The following C12orf42 variants were observed in gnomAD, a reference collection of about 807,000 sequenced individuals.
C12orf42 encodes the protein uncharacterized protein C12orf42.
C12orf42 carries 25 observed loss-of-function variants against 21.6 expected under a neutral mutation model. The ratio of observed to expected loss-of-function variants is 1.16; its 90% CI spans 0.84 to 1.62. The LOEUF is 1.62. C12orf42 is among the 40% of genes most tolerant of loss of function. The pLI is 0.00. For missense variants in C12orf42, 483 were observed against 459.3 expected, an observed-to-expected ratio of 1.05 and a Z score of -0.47; for synonymous variants, 174 against 175.0, an observed-to-expected ratio of 0.99 and a Z score of 0.05.
the C12orf42 span, among the ~76,000 whole-genome samples, chr12:103,180,176 G>A: frequency 6.6e-6 from 1 of 151,968 alleles, no homozygotes; most frequent in South Asian, 2.1e-4. Context: ...GGTGGGAGGA[G>A]TCAGCAAAAA....
the C12orf42 span, among the ~76,000 whole-genome samples, chr12:103,105,128 T>A: frequency 6.6e-6 from 1 of 152,138 alleles, no homozygotes; most frequent in Admixed American, 6.5e-5. Flanking sequence ...GTACACTGTA[T>A]AGAGACTCTT....
At chr12:103,182,555 G>A in the C12orf42 span, among the ~76,000 whole-genome samples, 1 of 152,042 alleles carries the variant, frequency 6.6e-6, no homozygotes, top group Non-Finnish European at 1.5e-5. Context: ...GTCAGAAACA[G>A]TTACTTAATA....
At chr12:103,279,231 C>A (rs888047639) in intron 4 of C12orf42, among the ~76,000 whole-genome samples, 15 of 151,806 alleles carry the variant, frequency 9.9e-5, no homozygotes, top group East Asian at 1.9e-4. Context: ...GTTCTTACTG[C>A]CCCCCACCAC....
chr12:103,134,025 A>G, the C12orf42 span, among the ~76,000 whole-genome samples: 1 of 152,218 alleles, frequency 6.6e-6, no homozygotes, highest in East Asian at 1.9e-4. Context: ...AGTCTCAAGT[A>G]TGTCTTTATT....
chr12:103,415,495 C>G (rs577205015), intron 2 of C12orf42, among the ~76,000 whole-genome samples: 1 of 152,300 alleles, frequency 6.6e-6, no homozygotes, highest in East Asian at 1.9e-4. Flanking sequence ...CATCTGCACA[C>G]AGAACATATT....
intron 2 of C12orf42, among the ~76,000 whole-genome samples, chr12:103,474,441 C>T (rs200590078): frequency 6.9e-6 from 1 of 144,190 alleles, no homozygotes; most frequent in African/African-American, 2.7e-5. Context: ...TGTATGTATA[C>T]ATGTATGTAT....
At chr12:103,172,414 T>C in the C12orf42 span, among the ~76,000 whole-genome samples, 2 of 152,072 alleles carry the variant, frequency 1.3e-5, no homozygotes, top group East Asian at 1.9e-4. Flanking sequence ...ATACTAGCAA[T>C]TATAATATTT....
the C12orf42 span, among the ~76,000 whole-genome samples, chr12:103,090,772 C>T: frequency 6.6e-5 from 10 of 151,858 alleles, no homozygotes; most frequent in Non-Finnish European, 1.2e-4. Flanking sequence ...TTAAACCAGA[C>T]CAGAGAGAGG....
At chr12:103,192,270 T>G in the C12orf42 span, among the ~76,000 whole-genome samples, 12 of 152,194 alleles carry the variant, frequency 7.9e-5, no homozygotes, top group Non-Finnish European at 1.8e-4. Context: ...TTTGGGAGAC[T>G]GAGGTGGGCC....
the C12orf42 span, among the ~76,000 whole-genome samples, chr12:103,084,046 T>TA: frequency 6.6e-6 from 1 of 152,218 alleles, no homozygotes; most frequent in Non-Finnish European, 1.5e-5. Context: ...CTTTAAAACA[T>TA]ACATTTTTAA....
At chr12:103,417,537 C>A (rs1266325611) in intron 2 of C12orf42, among the ~76,000 whole-genome samples, 1 of 152,198 alleles carries the variant, frequency 6.6e-6, no homozygotes, top group African/African-American at 2.4e-5. Context: ...GCACTTTACA[C>A]TTTCCCATGT....
the C12orf42 span, among the ~76,000 whole-genome samples, chr12:103,222,128 C>G: frequency 0.46 from 70,605 of 151,940 alleles, 16,729 homozygotes; most frequent in East Asian, 0.59. Flanking sequence ...ATGCGCGTCC[C>G]TGTGAAGAGA....
chr12:103,300,223 A>G (rs977713797), downstream of C12orf42, among the ~76,000 whole-genome samples: 1 of 152,180 alleles, frequency 6.6e-6, no homozygotes, highest in African/African-American at 2.4e-5. Flanking sequence ...TCAGGATTCC[A>G]TGATTAAATA....
chr12:103,505,323 G>T, the C12orf42 span: 3 of 267,200 alleles, frequency 1.1e-5, no homozygotes, highest in South Asian at 1.1e-4. Flanking sequence ...TCCATCCGGG[G>T]TTAGTGCCTT....
At chr12:103,296,906 T>C (rs914174795) in intron 4 of C12orf42, among the ~76,000 whole-genome samples, 2 of 152,238 alleles carry the variant, frequency 1.3e-5, no homozygotes, top group African/African-American at 4.8e-5. Flanking sequence ...GCCATTGCTT[T>C]TGGTGTTTTA....
At chr12:103,520,096 A>G in the C12orf42 span, among the ~76,000 whole-genome samples, 1 of 152,192 alleles carries the variant, frequency 6.6e-6, no homozygotes, top group African/African-American at 2.4e-5. Context: ...TGAGCAGTGA[A>G]TATGAATGAT....
At chr12:103,408,635 T>C (rs2138853597) in intron 2 of C12orf42, among the ~76,000 whole-genome samples, 1 of 152,362 alleles carries the variant, frequency 6.6e-6, no homozygotes, top group African/African-American at 2.4e-5. Context: ...TATCAGCCAC[T>C]GATTTCAGAA....
At chr12:103,452,234 G>A (rs1951992828) in intron 2 of C12orf42, among the ~76,000 whole-genome samples, 1 of 151,986 alleles carries the variant, frequency 6.6e-6, no homozygotes, top group Non-Finnish European at 1.5e-5. Context: ...GGCTAGCCTG[G>A]GGTTGTTTGC....
Position 103,319,174 on chromosome 12 carries a change from C to T in C12orf42, c.260-12829G>A, listed in dbSNP as rs557891407. 3.7e-4 allele frequency among the ~76,000 whole-genome samples: 56 copies of T among 152,240 alleles called. 1 individual carries two copies. Among genetic ancestry groups the T allele is most frequent in the African/African-American group, 1.3e-3 (56 of 41,532 alleles). ...GGCTGTATATGTGAACCTTTTAAAT[C>T]ACATCATTCAAAAGCACATATTCAG... On this transcript the variant is annotated intron_variant, in intron 4 of 5. Coordinates refer to ENST00000548883, the MANE Select transcript of C12orf42 (RefSeq NM_198521.5).
Sources: gnomAD v4.1 joint callset for allele counts (sites outside exome capture counted in the v4.1 genomes callset) on GRCh38, gnomAD v4.1.1 for gene constraint, MANE v1.5 for transcripts, NCBI Gene and HGNC (gene_info 2026-07-23, HGNC 2026-07-21) for gene names.